The following NRG1 variants were observed in gnomAD, a reference collection of about 807,000 sequenced individuals.
The protein encoded by NRG1 is pro-neuregulin-1, membrane-bound isoform.
In NRG1, 18 loss-of-function variants were observed where a neutral mutation model predicts 63.8. The observed-to-expected ratio is 0.28, with a 90% confidence interval of 0.19 to 0.42. The LOEUF (loss-of-function observed/expected upper bound fraction) is 0.42. NRG1 is among the 10% of genes least tolerant of loss of function. The probability of loss-of-function intolerance (pLI) is 1.00; values close to 1 mark genes in which losing one functional copy is unlikely to be tolerated. For synonymous variants in NRG1, 302 were observed against 301.3 expected (o/e 1.00, Z -0.02); for missense variants, 762 against 814.7 (o/e 0.94, Z 0.79).
chr8:31,839,137 T>A (rs958793635), intron 1 of NRG1, among the ~76,000 whole-genome samples: 1 of 152,228 alleles, frequency 6.6e-6, no homozygotes, highest in South Asian at 2.1e-4. Flanking sequence ...TTTATTAATA[T>A]CATAAATGAA....
At chr8:31,797,933 G>T (rs1191606809) in intron 1 of NRG1, among the ~76,000 whole-genome samples, 1 of 152,180 alleles carries the variant, frequency 6.6e-6, no homozygotes, top group East Asian at 1.9e-4. Flanking sequence ...GTAGGGCATA[G>T]AAGGATAAAT....
chr8:31,858,404 A>T (rs571787154), intron 1 of NRG1, among the ~76,000 whole-genome samples: 3 of 152,210 alleles, frequency 2.0e-5, no homozygotes, highest in Admixed American at 6.5e-5. Context: ...TGATAAGTGG[A>T]TGCCTCATGA....
Position 32,033,022 on chromosome 8 carries a change from G to A in NRG1, c.37+393591G>A, listed in dbSNP as rs1287941665. On this transcript the variant is annotated intron_variant, in intron 1 of 10. Coordinates refer to the NRG1 transcript ENST00000519301. The stretch of plus-strand genomic sequence containing the variant: ...TCTTCCAGCACCATTTATTAAGTAG[G>A]GTATCCTTTCCCCATTGCTTGTTTT... 2.6e-5 allele frequency among the ~76,000 whole-genome samples: 4 copies of A among 151,912 alleles called. No individual in the cohort carries two copies. The East Asian group carries it at 5.8e-4, about 22-fold the overall frequency.
At chr8:32,258,770 T>C (rs1435235193) in intron 1 of NRG1, among the ~76,000 whole-genome samples, 1 of 152,080 alleles carries the variant, frequency 6.6e-6, no homozygotes, top group Non-Finnish European at 1.5e-5. Flanking sequence ...TCTCCACACA[T>C]GGGGATTATG....
chr8:32,679,117 C>T (rs537680193), intron 5 of NRG1, among the ~76,000 whole-genome samples: 3 of 152,054 alleles, frequency 2.0e-5, no homozygotes, highest in South Asian at 2.1e-4. Flanking sequence ...TATAGCAAGA[C>T]ATCACCCCAA....
At chr8:31,920,884 GTAGATAGATAGATAGA>G (rs10532094) in intron 1 of NRG1, among the ~76,000 whole-genome samples, 28,117 of 147,084 alleles carry the variant, frequency 0.19, 2,954 homozygotes, top group Non-Finnish European at 0.22. Context: ...AGATAGATAG[GTAGATAGATAGATAGA>G]TAGATAGATA....
chr8:32,764,231 AGATACGCCTTTCCT>A lies in NRG1; in HGVS notation c.1745_1758del (p.Asp582GlyfsTer11). On this transcript the variant is annotated frameshift_variant, in exon 12 of 12. Transcript: ENST00000356819. LOFTEE classifies it high-confidence loss of function. Reference sequence around the variant, plus strand: ...AAACAGAAGATGAAAGAGTAGGTGAAGATACGCCTTTCCTGGGCATACAGAACCCCCTGGCAGCC... The same window carrying A: ...AAACAGAAGATGAAAGAGTAGGTGAAGGGCATACAGAACCCCCTGGCAGCC... 6.2e-7 allele frequency: 1 copy of A among 1,614,142 alleles called. No individual in the cohort carries two copies. The highest frequency in any genetic ancestry group is 1.7e-5 in the Admixed American group (1 of 60,026).
chr8:31,675,264 C>T (rs967806463), intron 1 of NRG1, among the ~76,000 whole-genome samples: 3 of 152,154 alleles, frequency 2.0e-5, no homozygotes, highest in East Asian at 1.9e-4. Context: ...ATCACTTGAA[C>T]CTGGAGGTGG....
chr8:31,674,202 C>T (rs1182927613), intron 1 of NRG1, among the ~76,000 whole-genome samples: 1 of 152,038 alleles, frequency 6.6e-6, no homozygotes. Flanking sequence ...GGATTGTTTC[C>T]ACTTTTTGAC....
At chr8:32,058,736 A>G (rs1823371218) in intron 1 of NRG1, among the ~76,000 whole-genome samples, 1 of 152,012 alleles carries the variant, frequency 6.6e-6, no homozygotes, top group African/African-American at 2.4e-5. Context: ...TTCTATTTAT[A>G]TAACTGTAAC....
intron 1 of NRG1, among the ~76,000 whole-genome samples, chr8:31,988,085 C>T (rs1042565773): frequency 1.6e-4 from 25 of 152,100 alleles, no homozygotes; most frequent in African/African-American, 5.1e-4. Context: ...ACATTTAGGA[C>T]GCACTCACAC....
rs2132484317 is a variant in NRG1, at chr8:32,221,223, G to A, written c.38-374605G>A. The stretch of plus-strand genomic sequence containing the variant: ...GAAAATTGGGATAGAAATCTCAGAT[G>A]AGCTGTAGTTACACGGAGATCTACA... On this transcript the variant is annotated intron_variant, in intron 1 of 10. Transcript: ENST00000519301. 1.3e-5 allele frequency: 2 copies of A among 152,046 alleles called. 1 individual carries two copies. Among genetic ancestry groups the A allele is most frequent in the South Asian group, 4.2e-4 (2 of 4,808 alleles). The allele number at this position is 152,046 out of a possible 1,614,324, so 9.4% of individuals were successfully genotyped here. A position where few individuals can be genotyped will look rare whatever the true frequency, so the allele number is the denominator to read the frequency against.
chr8:31,727,818 G>T (rs73239854), intron 1 of NRG1, among the ~76,000 whole-genome samples: 1,712 of 152,184 alleles, frequency 0.011, 11 homozygotes, highest in Middle Eastern at 0.031. Context: ...GAGATTAACA[G>T]CAATAACAAA....
chr8:32,622,051 C>T (rs1301241285), intron 5 of NRG1, among the ~76,000 whole-genome samples: 1 of 152,160 alleles, frequency 6.6e-6, no homozygotes, highest in Non-Finnish European at 1.5e-5. Context: ...CAAAGCATGG[C>T]AGGTGAATGA....
intron 1 of NRG1, among the ~76,000 whole-genome samples, chr8:32,231,676 G>A (rs919675614): frequency 1.3e-5 from 2 of 151,918 alleles, no homozygotes; most frequent in Admixed American, 6.6e-5. Flanking sequence ...CAAGGTGGGT[G>A]GATTACCTGA....
intron 1 of NRG1, among the ~76,000 whole-genome samples, chr8:31,788,216 C>G (rs906932861): frequency 7.9e-5 from 12 of 151,982 alleles, no homozygotes; most frequent in African/African-American, 2.9e-4. Flanking sequence ...ACCCATAATC[C>G]TACTGCTGAA....
intron 1 of NRG1, among the ~76,000 whole-genome samples, chr8:32,279,284 G>C (rs945430492): frequency 1.3e-5 from 2 of 152,188 alleles, no homozygotes; most frequent in African/African-American, 4.8e-5. Flanking sequence ...TCCTGCAAGA[G>C]TCCTGTGGCA....
intron 1 of NRG1, among the ~76,000 whole-genome samples, chr8:31,778,883 A>C (rs1308700356): frequency 1.3e-5 from 2 of 152,216 alleles, no homozygotes; most frequent in East Asian, 3.8e-4. Flanking sequence ...GGATGAGGAA[A>C]TGTAGAATTG....
At chr8:32,325,515 G>A (rs1488811004) in intron 1 of NRG1, among the ~76,000 whole-genome samples, 2 of 152,126 alleles carry the variant, frequency 1.3e-5, no homozygotes, top group Non-Finnish European at 2.9e-5. Context: ...GAGCAGCTGG[G>A]ACTATAGGCA....
Sources: allele counts gnomAD v4.1 joint callset (sites outside exome capture counted in the v4.1 genomes callset), GRCh38; gene constraint gnomAD v4.1.1; transcripts MANE v1.5; gene names NCBI Gene and HGNC (gene_info 2026-07-23, HGNC 2026-07-21).